Variants in POLR1C observed in about 807,000 individuals in gnomAD.
POLR1C encodes the protein DNA-directed RNA polymerases I and III subunit RPAC1.
A neutral mutation model predicts 38.3 loss-of-function variants in POLR1C; 42 were observed. That is an observed-to-expected ratio of 1.10 (90% CI 0.86 to 1.42). POLR1C has a LOEUF of 1.42. Among genes scored for constraint, POLR1C ranks in the 40% most tolerant of loss-of-function variants. The probability of loss-of-function intolerance (pLI) is 0.00; values close to 1 mark genes in which losing one functional copy is unlikely to be tolerated. For synonymous variants in POLR1C, 163 were observed against 163.9 expected (o/e 0.99, Z 0.04); for missense variants, 507 against 450.5 (o/e 1.13, Z -1.14).
At chr6:43,554,963 T>TG (rs1337240913) in intron 10 of POLR1C, 2 of 142,894 alleles carry the variant, frequency 1.4e-5, no homozygotes, top group Non-Finnish European at 3.0e-5. Flanking sequence ...TTTTTTGAGA[T>TG]GGAGTTTTGC....
At chr6:43,559,230 G>C (rs549589861) in intron 10 of POLR1C, among the ~76,000 whole-genome samples, 30 of 152,304 alleles carry the variant, frequency 2.0e-4, no homozygotes, top group Admixed American at 2.0e-3. Flanking sequence ...CCAGGAGGCA[G>C]AGGTTGCAGT....
intron 9 of POLR1C, chr6:43,546,615 T>C: frequency 6.2e-7 from 1 of 1,612,408 alleles, no homozygotes; most frequent in Non-Finnish European, 8.5e-7. Context: ...GAATCTGCTC[T>C]GTGCAGGGGT....
chr6:43,537,487 C>T (rs969533795), intron 9 of POLR1C, among the ~76,000 whole-genome samples: 4 of 152,250 alleles, frequency 2.6e-5, no homozygotes, highest in South Asian at 2.1e-4. Context: ...TGTCTGTCCT[C>T]GACAACTCAA....
At chr6:43,551,721 A>C (rs187217811) in intron 10 of POLR1C, among the ~76,000 whole-genome samples, 1 of 152,122 alleles carries the variant, frequency 6.6e-6, no homozygotes, top group East Asian at 1.9e-4. Flanking sequence ...GATGTTGTAG[A>C]AGTGTTGTTA....
chr6:43,539,114 G>C (rs1794530564), intron 9 of POLR1C: 6 of 1,240,874 alleles, frequency 4.8e-6, no homozygotes, highest in African/African-American at 1.5e-5. Flanking sequence ...CCTGGGTGCA[G>C]GGATGAGGCG....
downstream of POLR1C, chr6:43,523,700 C>T (rs752075349): frequency 9.5e-5 from 99 of 1,037,306 alleles, no homozygotes; most frequent in Admixed American, 4.0e-4. Flanking sequence ...AGTATAATTA[C>T]TTCTGGTCCT....
At chr6:43,533,877 C>A (rs1263428301), downstream of POLR1C, 2 of 1,526,624 alleles carry the variant, frequency 1.3e-6, no homozygotes, top group Non-Finnish European at 1.8e-6. Flanking sequence ...ATAAGATAAA[C>A]CTTAGGAGAA....
At chr6:43,519,677 C>T in intron 3 of POLR1C, 29 bp from the exon 4 acceptor site, 1 of 1,614,102 alleles carries the variant, frequency 6.2e-7, no homozygotes, top group Non-Finnish European at 8.5e-7. Flanking sequence ...TGGGTTTTTG[C>T]AGATAAGTGG....
chr6:43,548,938 G>A (rs1795096056), intron 9 of POLR1C, among the ~76,000 whole-genome samples: 1 of 152,064 alleles, frequency 6.6e-6, no homozygotes, highest in African/African-American at 2.4e-5. Flanking sequence ...AAGAGTTGTA[G>A]AATTATAGGG....
chr6:43,524,642 T>C, downstream of POLR1C: 1 of 1,613,268 alleles, frequency 6.2e-7, no homozygotes, highest in African/African-American at 1.3e-5. Context: ...GGCGCTGATA[T>C]CAGCAGGGAT....
In POLR1C at chr6:43,517,145, C is replaced by T. The variant is rs560415561; in HGVS notation, c.36C>T (p.Ser12=). The change falls in exon 1 of 9, where the codon AGC becomes AGT. Residue 12 remains serine, a synonymous_variant. Transcript: ENST00000642195. ...AASQAVEEMR[S]RVVLGEFGVR... is the part of the protein sequence containing the mutation. The stretch of plus-strand genomic sequence containing the variant: ...CTCAGGCGGTGGAGGAAATGCGGAG[C>T]CGCGTGGTTCTGGGGGAGTTTGGGG... 5 of 1,614,060 alleles carry T rather than the reference C, an allele frequency of 3.1e-6. No individual in the cohort carries two copies. The African/African-American group carries it at 5.3e-5, about 17-fold the overall frequency.
At chr6:43,522,105 G>A (rs1793223817), downstream of POLR1C, among the ~76,000 whole-genome samples, 1 of 152,100 alleles carries the variant, frequency 6.6e-6, no homozygotes, top group Non-Finnish European at 1.5e-5. Context: ...ATTCCTGTGG[G>A]CCAGGCCCAG....
Position 43,519,723 on chromosome 6 carries a change from G to A in POLR1C, c.267G>A (p.Val89=), listed in dbSNP as rs1793037712. 6.2e-7 allele frequency: 1 copy of A among 1,614,202 alleles called. No homozygotes were observed. Residue 89 remains valine (V), a synonymous_variant, in exon 4 of 9, where the codon GTG becomes GTA. Coordinates refer to ENST00000642195, the MANE Select transcript of POLR1C (RefSeq NM_203290.4). ...TTGGGCAGGTGCCAACTATGGCTGTGGAGAAGGTCCTGGTGTACAATAATA... is the reference window on the plus strand; with the variant it reads ...TTGGGCAGGTGCCAACTATGGCTGTAGAGAAGGTCCTGGTGTACAATAATA... ...ILLAEVPTMA[V]EKVLVYNNTS...
At chr6:43,540,885 A>G (rs926218123) in intron 9 of POLR1C, among the ~76,000 whole-genome samples, 3 of 152,104 alleles carry the variant, frequency 2.0e-5, no homozygotes, top group African/African-American at 7.3e-5. Context: ...TTCACATAAC[A>G]TAAAACTAAC....
At chr6:43,525,821 C>T, downstream of POLR1C, 1 of 1,613,702 alleles carries the variant, frequency 6.2e-7, no homozygotes. Context: ...AAAGGTATCA[C>T]CTGCTCCTTC....
intron 9 of POLR1C, among the ~76,000 whole-genome samples, chr6:43,540,640 T>C (rs978031576): frequency 2.0e-5 from 3 of 151,722 alleles, no homozygotes; most frequent in South Asian, 2.1e-4. Flanking sequence ...GCAACAAGAG[T>C]GACACTCCGT....
rs779963633 is a variant in POLR1C, at chr6:43,517,294, C to T, written c.70-12C>T. On this transcript the variant is annotated splice_polypyrimidine_tract_variant and intron_variant, in intron 1 of 8. Transcript: ENST00000642195. ...CTGTCCCTTCGTGGACAAATTCGTC[C>T]CTTTGCTCTAGGTCCATACTACTGA... is the stretch of plus-strand genomic sequence containing the variant. 1.8e-5 allele frequency: 29 copies of T among 1,613,548 alleles called. No individual in the cohort carries two copies. The highest frequency in any genetic ancestry group is 3.3e-4 in the Middle Eastern group (2 of 6,084).
At chr6:43,553,586 G>C in intron 10 of POLR1C, 2 of 1,493,796 alleles carry the variant, frequency 1.3e-6, no homozygotes, top group Non-Finnish European at 1.8e-6. Flanking sequence ...GACACAGAGA[G>C]ACAATGGAGC....
At chr6:43,543,844 T>C (rs1794833309) in intron 9 of POLR1C, among the ~76,000 whole-genome samples, 1 of 151,964 alleles carries the variant, frequency 6.6e-6, no homozygotes, top group African/African-American at 2.4e-5. Context: ...GCCTGGCTAA[T>C]TTTTGTATTT....
Sources: allele counts gnomAD v4.1 joint callset (sites outside exome capture counted in the v4.1 genomes callset), GRCh38; gene constraint gnomAD v4.1.1; transcripts MANE v1.5; gene names NCBI Gene and HGNC (gene_info 2026-07-23, HGNC 2026-07-21).